ZDHHC20: variants seen among roughly 807,000 people sequenced by gnomAD.
ZDHHC20 encodes the protein palmitoyltransferase ZDHHC20.
A neutral mutation model predicts 57.8 loss-of-function variants in ZDHHC20; 43 were observed. The ratio of observed to expected loss-of-function variants is 0.74; its 90% CI spans 0.58 to 0.96. The LOEUF is 0.96. ZDHHC20 is among the 40% of genes least tolerant of loss of function. The pLI, the probability that ZDHHC20 is intolerant of heterozygous loss-of-function variation, is 0.00. For synonymous variants in ZDHHC20, 157 were observed against 153.0 expected (o/e 1.03, Z -0.19); for missense variants, 391 against 441.1 (o/e 0.89, Z 1.02).
rs529180383 is a variant in ZDHHC20, at chr13:21,391,835, C to G, written c.614G>C (p.Arg205Pro). ...KFWTNELTDTRAKFHVLFLFF... is the reference protein window; with the variant it reads ...KFWTNELTDTPAKFHVLFLFF... ...AAGAAAAAGTACGTGGAATTTTGCA[C>G]GTGTATCTGTCAGTTCATTCTGAGG... The change falls in exon 8 of 13, where the codon CGT becomes CCT. Residue 205 changes from arginine (R) to proline (P), a missense_variant. Around this residue, in one of 3 missense-constraint regions of ZDHHC20, gnomAD observed 197 missense variants for 220.8 expected, o/e 0.89. Coordinates refer to ENST00000400590, the MANE Select transcript of ZDHHC20 (RefSeq NM_001330059.2). The G allele has an allele frequency of 1.9e-6, 3 of 1,612,024 alleles. No homozygotes were observed. The Admixed American group carries it at 5.0e-5, about 27-fold the overall frequency.
chr13:21,397,287 T>C (rs2137770905), intron 7 of ZDHHC20, among the ~76,000 whole-genome samples: 2 of 150,390 alleles, frequency 1.3e-5, no homozygotes, highest in African/African-American at 4.9e-5. Flanking sequence ...GATTGTGCCA[T>C]CACACTCTAG....
chr13:21,448,336 G>C (rs1327534047), intron 1 of ZDHHC20, among the ~76,000 whole-genome samples: 8 of 61,354 alleles, frequency 1.3e-4, no homozygotes, highest in African/African-American at 2.3e-4. Context: ...TCAGCCCCCC[G>C]CCCGGCCAGC....
intron 1 of ZDHHC20, among the ~76,000 whole-genome samples, chr13:21,433,921 A>G (rs1164414426): frequency 6.6e-6 from 1 of 152,196 alleles, no homozygotes; most frequent in Non-Finnish European, 1.5e-5. Flanking sequence ...AATTTTAATT[A>G]CTCATTGCTA....
At chr13:21,388,085 A>G (rs879923645) in intron 8 of ZDHHC20, among the ~76,000 whole-genome samples, 9 of 152,178 alleles carry the variant, frequency 5.9e-5, no homozygotes, top group Non-Finnish European at 1.3e-4. Flanking sequence ...AAGTGCTAAC[A>G]TGGCCATGAC....
At chr13:21,389,842 G>A (rs755184882) in intron 8 of ZDHHC20, among the ~76,000 whole-genome samples, 9 of 152,148 alleles carry the variant, frequency 5.9e-5, no homozygotes, top group African/African-American at 2.2e-4. Context: ...GGTTTTCTTT[G>A]TGAAATCACT....
At chr13:21,381,670 C>T (rs1235579754) in intron 10 of ZDHHC20, 121 bp from the exon 11 acceptor site, 2 of 667,296 alleles carry the variant, frequency 3.0e-6, no homozygotes, top group African/African-American at 3.6e-5. Context: ...CTCATGAGAT[C>T]TTAGCACTCT....
chr13:21,436,801 G>C (rs545179986), intron 1 of ZDHHC20, among the ~76,000 whole-genome samples: 12 of 152,298 alleles, frequency 7.9e-5, no homozygotes, highest in African/African-American at 2.9e-4. Context: ...ACTAAGCTTA[G>C]TGAGAAAGAC....
At chr13:21,401,790 T>C in intron 5 of ZDHHC20, 105 bp from the exon 6 acceptor site, 1 of 1,012,822 alleles carries the variant, frequency 9.9e-7, no homozygotes, top group Non-Finnish European at 1.4e-6. Context: ...TACAACTACA[T>C]CTTAAGAGAA....
intron 4 of ZDHHC20, among the ~76,000 whole-genome samples, chr13:21,411,948 C>T (rs1879272590): frequency 6.6e-6 from 1 of 152,200 alleles, no homozygotes; most frequent in African/African-American, 2.4e-5. Flanking sequence ...CATAATAGGC[C>T]ATTCAAGTAC....
chr13:21,403,929 T>C (rs1414664541), intron 4 of ZDHHC20, among the ~76,000 whole-genome samples: 2 of 151,970 alleles, frequency 1.3e-5, no homozygotes, highest in East Asian at 3.9e-4. Flanking sequence ...CTCAGGTGAG[T>C]CACCCACCTC....
intron 11 of ZDHHC20, among the ~76,000 whole-genome samples, chr13:21,380,271 A>C (rs964267271): frequency 2.0e-5 from 3 of 150,740 alleles, no homozygotes; most frequent in African/African-American, 7.3e-5. Flanking sequence ...ACGTGCCACC[A>C]CACCTGGCTA....
intron 1 of ZDHHC20, among the ~76,000 whole-genome samples, chr13:21,440,652 A>ATATATGTGTGTATATATATATATATGTG (rs754122040): frequency 5.3e-5 from 8 of 151,952 alleles, no homozygotes; most frequent in Non-Finnish European, 1.0e-4. Flanking sequence ...GTGTGTGTAT[A>ATATATGTGTGTATATATATATATATGTG]TATATATATG....
At chr13:21,426,570 G>C (rs9580113) in intron 1 of ZDHHC20, among the ~76,000 whole-genome samples, 22,368 of 150,412 alleles carry the variant, frequency 0.15, 2,242 homozygotes, top group Non-Finnish European at 0.23. Context: ...TCTACAATCT[G>C]TCTACCTCTC....
intron 7 of ZDHHC20, 140 bp downstream of exon 7, chr13:21,400,233 T>C: frequency 1.4e-6 from 1 of 740,004 alleles, no homozygotes; most frequent in Non-Finnish European, 2.0e-6. Context: ...TGTAGCCCTA[T>C]CTGTCCTCTG....
In ZDHHC20 at chr13:21,380,918, C is replaced by T. The variant is rs146864826; in HGVS notation, c.1060+516G>A. Among the ~76,000 whole-genome samples the T allele has an allele frequency of 3.3e-3, 498 of 152,092 alleles. 2 individuals carry two copies. Among genetic ancestry groups the T allele is most frequent in the African/African-American group, 0.011 (459 of 41,502 alleles). On this transcript the variant is annotated intron_variant, in intron 11 of 12. Coordinates refer to ENST00000400590, the MANE Select transcript of ZDHHC20 (RefSeq NM_001330059.2). ...CAGTTGCATAGAAGAAAACATGAGCCGCTATACTCTCCTCGCTCTATCCCT... is the reference window on the plus strand; with the variant it reads ...CAGTTGCATAGAAGAAAACATGAGCTGCTATACTCTCCTCGCTCTATCCCT...
At chr13:21,376,709 ATATT>A (rs1345993202) in intron 12 of ZDHHC20, 54 bp from the exon 13 acceptor site, 17 of 1,217,050 alleles carry the variant, frequency 1.4e-5, no homozygotes, top group Non-Finnish European at 1.9e-5. Context: ...ATTTCTGAAA[ATATT>A]TACTAAATGG....
At chr13:21,402,033 G>A (rs772570930) in intron 5 of ZDHHC20, among the ~76,000 whole-genome samples, 10 of 151,950 alleles carry the variant, frequency 6.6e-5, no homozygotes, top group Non-Finnish European at 1.2e-4. Flanking sequence ...TCATGAGTTC[G>A]AGACCAGCCT....
At chr13:21,401,355 G>A (rs1308084151) in intron 6 of ZDHHC20, among the ~76,000 whole-genome samples, 1 of 152,128 alleles carries the variant, frequency 6.6e-6, no homozygotes, top group Non-Finnish European at 1.5e-5. Flanking sequence ...ACCTAGAAAT[G>A]GGTCATCTGG....
At chr13:21,391,226 C>A (rs954734250) in intron 8 of ZDHHC20, among the ~76,000 whole-genome samples, 9 of 152,242 alleles carry the variant, frequency 5.9e-5, no homozygotes, top group Admixed American at 4.6e-4. Context: ...CTTGGCCTCC[C>A]AAAGTGCTGG....
Sources: gnomAD v4.1 joint callset for allele counts (sites outside exome capture counted in the v4.1 genomes callset) on GRCh38, gnomAD v4.1.1 for gene constraint, gnomAD v4.1.1 regional missense constraint, MANE v1.5 for transcripts, NCBI Gene and HGNC (gene_info 2026-07-23, HGNC 2026-07-21) for gene names.